PPFIA1: variants seen among roughly 807,000 people sequenced by gnomAD.
PPFIA1 encodes PPFI scaffold protein A1.
In PPFIA1, 25 loss-of-function variants were observed where a neutral mutation model predicts 149.9. That is an observed-to-expected ratio of 0.17 (90% CI 0.12 to 0.23). The LOEUF (loss-of-function observed/expected upper bound fraction) is 0.23, where lower values mean the gene tolerates loss of function less well. PPFIA1 is among the 10% of genes least tolerant of loss of function. The pLI, the probability that PPFIA1 is intolerant of heterozygous loss-of-function variation, is 1.00. For missense variants in PPFIA1, 1,362 were observed against 1,506.5 expected (o/e 0.90, Z 1.59); for synonymous variants, 549 against 552.8 (o/e 0.99, Z 0.10).
chr11:70,331,387 T>G (rs1357286606), intron 8 of PPFIA1, among the ~76,000 whole-genome samples: 3 of 150,540 alleles, frequency 2.0e-5, no homozygotes, highest in South Asian at 4.2e-4. Context: ...AAAAAAAGCT[T>G]CTTAAAAGTT....
At chr11:70,275,725 C>T (rs2050343833) in intron 2 of PPFIA1, among the ~76,000 whole-genome samples, 1 of 152,136 alleles carries the variant, frequency 6.6e-6, no homozygotes, top group African/African-American at 2.4e-5. Flanking sequence ...GTGTGTGGGT[C>T]TGTTTCTGGA....
At chr11:70,382,875 A>G (rs1481686878) in intron 27 of PPFIA1, 128 bp from the exon 28 acceptor site, 2 of 305,196 alleles carry the variant, frequency 6.6e-6, no homozygotes, top group Non-Finnish European at 1.2e-5. Flanking sequence ...TACGGCACAG[A>G]AAGTGAGGGG....
At chr11:70,271,150 G>T (rs930857149) in intron 1 of PPFIA1, 1 of 152,002 alleles carries the variant, frequency 6.6e-6, no homozygotes, top group Non-Finnish European at 1.5e-5. Context: ...CGCGCCCCGT[G>T]ACCCGGGCGC....
At chr11:70,300,741 G>T (rs2052433640) in intron 2 of PPFIA1, among the ~76,000 whole-genome samples, 1 of 152,106 alleles carries the variant, frequency 6.6e-6, no homozygotes, top group African/African-American at 2.4e-5. Context: ...CACCATGTTG[G>T]CCAGGATGGT....
At chr11:70,324,578 A>G in intron 3 of PPFIA1, 75 bp downstream of exon 3, 1 of 1,247,226 alleles carries the variant, frequency 8.0e-7, no homozygotes. Context: ...TCAAAACGAA[A>G]GGACGACCCA....
At chr11:70,349,138 A>T (rs2137238585) in intron 16 of PPFIA1, among the ~76,000 whole-genome samples, 1 of 148,682 alleles carries the variant, frequency 6.7e-6, no homozygotes, top group South Asian at 2.1e-4. Context: ...CTACTACCAA[A>T]AAAAAAAAAA....
intron 16 of PPFIA1, among the ~76,000 whole-genome samples, chr11:70,351,999 A>G (rs919096977): frequency 2.0e-5 from 3 of 151,954 alleles, no homozygotes; most frequent in Admixed American, 1.3e-4. Flanking sequence ...TTGACCCCAA[A>G]TCTCTCCCTC....
chr11:70,351,080 C>A, intron 16 of PPFIA1: 2 of 954,448 alleles, frequency 2.1e-6, no homozygotes, highest in Non-Finnish European at 2.7e-6. Context: ...TTGAAGAGTA[C>A]CTATCATATT....
intron 13 of PPFIA1, among the ~76,000 whole-genome samples, 160 bp from the exon 14 acceptor site, chr11:70,339,011 A>C (rs192848971): frequency 6.6e-6 from 1 of 152,362 alleles, no homozygotes; most frequent in East Asian, 1.9e-4. Flanking sequence ...GGCCTGGAGC[A>C]GGCAACATGT....
rs189365054 is a variant in PPFIA1 at position 70,292,168 on chromosome 11, A to G, written c.264+19732A>G. 3.9e-5 allele frequency among the ~76,000 whole-genome samples: 6 copies of G among 152,176 alleles called. No individual in the cohort carries two copies. The East Asian group carries it at 1.2e-3, about 29-fold the overall frequency. ...CTGGCTAATTTTTGTATTTTTTTGT[A>G]GAGACAGGGTTTCCCATGTTTCCCA... On this transcript the variant is annotated intron_variant, in intron 2 of 27. Transcript: ENST00000253925.
In PPFIA1 at chr11:70,357,587, A is replaced by G. The variant is rs180736803; in HGVS notation, c.2582+1333A>G. Among the ~76,000 whole-genome samples the G allele has an allele frequency of 1.5e-3, 220 of 142,466 alleles. 2 individuals carry two copies. The highest frequency in any genetic ancestry group is 0.014 in the Middle Eastern group (4 of 276). The allele number at this position is 142,466 out of a possible 152,430, so 93.5% of individuals were successfully genotyped here. A position where few individuals can be genotyped will look rare whatever the true frequency, so the allele number is the denominator to read the frequency against. ...ATTGCTATGCTTGAACTGTGTAAGA[A>G]TTTTTTTTTTTTTTTTTGAGATGGA... On this transcript the variant is annotated intron_variant, in intron 19 of 27. Coordinates refer to ENST00000253925, the MANE Select transcript of PPFIA1 (RefSeq NM_003626.5).
At chr11:70,272,066 A>G in intron 1 of PPFIA1, 107 bp from the exon 2 acceptor site, 2 of 1,233,622 alleles carry the variant, frequency 1.6e-6, no homozygotes, top group Admixed American at 2.2e-5. Context: ...AGATCTGAGC[A>G]TAATGAGACT....
At chr11:70,303,776 C>T (rs943582123) in intron 2 of PPFIA1, among the ~76,000 whole-genome samples, 3 of 152,146 alleles carry the variant, frequency 2.0e-5, no homozygotes, top group African/African-American at 7.2e-5. Flanking sequence ...GAGGCTGAGG[C>T]AGGCGGATCA....
At chr11:70,293,697 A>G (rs1317353727) in intron 2 of PPFIA1, among the ~76,000 whole-genome samples, 1 of 152,146 alleles carries the variant, frequency 6.6e-6, no homozygotes, top group African/African-American at 2.4e-5. Flanking sequence ...CTGTAGTTTA[A>G]AGCTTTCTGG....
chr11:70,375,150 G>T, intron 24 of PPFIA1, 57 bp downstream of exon 24: 7 of 697,074 alleles, frequency 1.0e-5, no homozygotes, highest in East Asian at 6.4e-5. Context: ...CCTGATTATA[G>T]ACAGCTAGTT....
rs368049710 is a variant in PPFIA1 at position 70,302,373 on chromosome 11, C to G, written c.265-22029C>G. 2.5e-4 allele frequency among the ~76,000 whole-genome samples: 38 copies of G among 152,236 alleles called. No homozygotes were observed. The East Asian group carries it at 6.8e-3, about 27-fold the overall frequency. ...CAGGAAAGGCATGGAGGGCTGTGAG[C>G]TCACAGGAAGGTGGCTATCCAGGGC... On this transcript the variant is annotated intron_variant, in intron 2 of 27. Coordinates refer to ENST00000253925, the MANE Select transcript of PPFIA1 (RefSeq NM_003626.5).
chr11:70,370,870 C>T (rs925085818), intron 21 of PPFIA1, among the ~76,000 whole-genome samples: 1 of 152,118 alleles, frequency 6.6e-6, no homozygotes, highest in East Asian at 1.9e-4. Context: ...TGGCTCACGC[C>T]TGTAATCCTA....
intron 15 of PPFIA1, chr11:70,345,825 C>CA: frequency 4.4e-6 from 1 of 229,366 alleles, no homozygotes. Context: ...AGATCTGTCT[C>CA]AAAAAATATA....
At chr11:70,284,660 G>A (rs1192669849) in intron 2 of PPFIA1, among the ~76,000 whole-genome samples, 1 of 152,202 alleles carries the variant, frequency 6.6e-6, no homozygotes, top group Non-Finnish European at 1.5e-5. Context: ...GAAAGGTGAG[G>A]CTTTCGAGGG....
Sources: gnomAD v4.1 joint callset for allele counts (sites outside exome capture counted in the v4.1 genomes callset) on GRCh38, gnomAD v4.1.1 for gene constraint, MANE v1.5 for transcripts, NCBI Gene and HGNC (gene_info 2026-07-23, HGNC 2026-07-21) for gene names.